Variants in SLIT3 observed in about 807,000 individuals in gnomAD.
SLIT3 encodes the protein slit guidance ligand 3, also known as slit homolog 3 protein.
In SLIT3, 68 loss-of-function variants were observed where a neutral mutation model predicts 184.0. The ratio of observed to expected loss-of-function variants is 0.37; its 90% CI spans 0.30 to 0.45. SLIT3 has a LOEUF of 0.45. Among genes scored for constraint, SLIT3 ranks in the 20% least tolerant of loss-of-function variants. The probability of loss-of-function intolerance (pLI) is 1.00; values close to 1 mark genes in which losing one functional copy is unlikely to be tolerated. For synonymous variants in SLIT3, 831 were observed against 828.6 expected, an observed-to-expected ratio of 1.00 and a Z score of -0.05; for missense variants, 1,707 against 2,026.0, an observed-to-expected ratio of 0.84 and a Z score of 3.02.
At chr5:169,014,302 A>G (rs2113466672) in intron 4 of SLIT3, among the ~76,000 whole-genome samples, 1 of 152,300 alleles carries the variant, frequency 6.6e-6, no homozygotes. Flanking sequence ...CTCCAGCTAT[A>G]TATATCCAGA....
intron 4 of SLIT3, among the ~76,000 whole-genome samples, chr5:169,108,159 T>G (rs1403451153): frequency 6.6e-6 from 1 of 152,204 alleles, no homozygotes; most frequent in African/African-American, 2.4e-5. Context: ...CAGTAGCTAC[T>G]CAATGAACAT....
At chr5:168,780,146 G>C (rs1238171079) in intron 12 of SLIT3, among the ~76,000 whole-genome samples, 1 of 152,250 alleles carries the variant, frequency 6.6e-6, no homozygotes, top group African/African-American at 2.4e-5. Context: ...CATTCTGGTG[G>C]CGTCCACACT....
rs921840247 is a variant in SLIT3, at chr5:169,136,762, G to T, written c.413+56717C>A. 5.5e-4 allele frequency among the ~76,000 whole-genome samples: 83 copies of T among 152,170 alleles called. 1 individual carries two copies. The highest frequency in any genetic ancestry group is 2.0e-3 in the African/African-American group (81 of 41,452). ...GGCTAGGAGGAGGTTGTGTGTGTTT[G>T]GGGGTGGGGAGTGTGTATGAGTTGA... On this transcript the variant is annotated intron_variant, in intron 4 of 35. Coordinates refer to ENST00000519560, the MANE Select transcript of SLIT3 (RefSeq NM_003062.4).
intron 4 of SLIT3, among the ~76,000 whole-genome samples, chr5:169,032,509 A>ATTTT (rs3072089): frequency 0.046 from 6,678 of 145,258 alleles, 171 homozygotes; most frequent in Middle Eastern, 0.059. Flanking sequence ...TGTGCCAGTC[A>ATTTT]TTTTTTTTTT....
At chr5:168,873,404 C>T (rs55819108) in intron 5 of SLIT3, among the ~76,000 whole-genome samples, 4,727 of 151,116 alleles carry the variant, frequency 0.031, 239 homozygotes, top group African/African-American at 0.11. Context: ...CTTAGGCAGG[C>T]GGATCACTTG....
intron 4 of SLIT3, among the ~76,000 whole-genome samples, chr5:168,986,446 T>C (rs1755135180): frequency 1.3e-5 from 2 of 152,108 alleles, no homozygotes. Context: ...GCTTTTCAGC[T>C]CACATTGGTA....
chr5:169,280,705 G>A (rs1362039143), intron 1 of SLIT3, among the ~76,000 whole-genome samples: 1 of 152,212 alleles, frequency 6.6e-6, no homozygotes, highest in Admixed American at 6.5e-5. Context: ...AATGCAGGGA[G>A]ACTCTACCAG....
chr5:168,704,313 CCT>C (rs1762312956), intron 26 of SLIT3, among the ~76,000 whole-genome samples: 1 of 138,594 alleles, frequency 7.2e-6, no homozygotes, highest in African/African-American at 3.5e-5. Context: ...AAATACTGAC[CCT>C]TTGTGAAGTA....
At chr5:169,132,106 T>C (rs778068979) in intron 4 of SLIT3, among the ~76,000 whole-genome samples, 2 of 152,148 alleles carry the variant, frequency 1.3e-5, no homozygotes, top group Non-Finnish European at 2.9e-5. Flanking sequence ...TACACATTCC[T>C]GTTTGAAGTA....
chr5:168,855,992 C>G (rs1758850290), intron 5 of SLIT3, among the ~76,000 whole-genome samples: 1 of 152,106 alleles, frequency 6.6e-6, no homozygotes, highest in Non-Finnish European at 1.5e-5. Context: ...ACCTGTAGTC[C>G]TAGCTACTCA....
At chr5:169,038,246 T>C (rs1316097549) in intron 4 of SLIT3, among the ~76,000 whole-genome samples, 1 of 152,228 alleles carries the variant, frequency 6.6e-6, no homozygotes, top group Non-Finnish European at 1.5e-5. Context: ...CATTTGATTA[T>C]CATTAAACCA....
intron 12 of SLIT3, among the ~76,000 whole-genome samples, chr5:168,785,344 A>T (rs1321324765): frequency 6.6e-6 from 1 of 152,264 alleles, no homozygotes; most frequent in Admixed American, 6.5e-5. Flanking sequence ...AATGCAAACA[A>T]ATAATCCCTG....
At chr5:169,013,779 C>T (rs775649678) in intron 4 of SLIT3, among the ~76,000 whole-genome samples, 3 of 152,196 alleles carry the variant, frequency 2.0e-5, no homozygotes, top group Non-Finnish European at 4.4e-5. Flanking sequence ...AATATTCATT[C>T]ACCTGCCCTC....
At chr5:169,265,156 A>AAAAC (rs35338338) in intron 1 of SLIT3, among the ~76,000 whole-genome samples, 55,209 of 150,912 alleles carry the variant, frequency 0.37, 10,682 homozygotes, top group South Asian at 0.48. Context: ...TCCATGCTCA[A>AAAAC]AAACAAACAA....
chr5:168,956,567 G>A (rs113728479), intron 4 of SLIT3, among the ~76,000 whole-genome samples: 342 of 151,646 alleles, frequency 2.3e-3, no homozygotes, highest in Admixed American at 4.5e-3. Context: ...AGGCCAAGGC[G>A]GGCAGATCAG....
intron 4 of SLIT3, among the ~76,000 whole-genome samples, chr5:168,962,564 GA>G (rs983493586): frequency 0.014 from 1,958 of 144,234 alleles, 38 homozygotes; most frequent in African/African-American, 0.046. Flanking sequence ...GAAAAGAAAA[GA>G]AAAAAAAAAA....
intron 4 of SLIT3, among the ~76,000 whole-genome samples, chr5:169,133,764 T>C (rs369772282): frequency 1.3e-5 from 2 of 152,078 alleles, no homozygotes; most frequent in East Asian, 3.9e-4. Context: ...ACAATGTAGG[T>C]GCAAAAGAGG....
chr5:168,698,551 C>T (rs1762124745), intron 27 of SLIT3, among the ~76,000 whole-genome samples: 1 of 152,142 alleles, frequency 6.6e-6, no homozygotes, highest in South Asian at 2.1e-4. Flanking sequence ...CCTGCTGACA[C>T]CTTGATTTGG....
chr5:168,818,846 T>C (rs1446701166), intron 7 of SLIT3, among the ~76,000 whole-genome samples: 2 of 152,246 alleles, frequency 1.3e-5, no homozygotes, highest in African/African-American at 4.8e-5. Flanking sequence ...AAGCCTCCCA[T>C]AGGCCTGGGC....
Sources: gnomAD v4.1 joint callset for allele counts (sites outside exome capture counted in the v4.1 genomes callset) on GRCh38, gnomAD v4.1.1 for gene constraint, MANE v1.5 for transcripts, NCBI Gene and HGNC (gene_info 2026-07-23, HGNC 2026-07-21) for gene names.